GLMN: variants seen among roughly 807,000 people sequenced by gnomAD.
GLMN encodes glomulin, FKBP associated protein.
A neutral mutation model predicts 87.8 loss-of-function variants in GLMN; 75 were observed. The ratio of observed to expected loss-of-function variants is 0.85; its 90% CI spans 0.71 to 1.04. The LOEUF is 1.04. Ranked by LOEUF, GLMN falls within the 50% of genes least tolerant of loss-of-function variation. The pLI is 0.00. For missense variants in GLMN, 588 were observed against 658.8 expected (o/e 0.89, Z 1.18); for synonymous variants, 206 against 221.6 (o/e 0.93, Z 0.63).
At chr1:92,296,963 T>C (rs980694400) in intron 3 of GLMN, among the ~76,000 whole-genome samples, 3 of 152,230 alleles carry the variant, frequency 2.0e-5, no homozygotes, top group Non-Finnish European at 2.9e-5. Flanking sequence ...ACACCATTTT[T>C]GGACTCCCTA....
At chr1:92,366,724 A>C in the GLMN span, among the ~76,000 whole-genome samples, 1 of 152,226 alleles carries the variant, frequency 6.6e-6, no homozygotes, top group South Asian at 2.1e-4. Flanking sequence ...TCTAACATAC[A>C]GATAAAATTC....
intron 16 of GLMN, among the ~76,000 whole-genome samples, chr1:92,260,928 C>T (rs143907866): frequency 6.6e-6 from 1 of 152,274 alleles, no homozygotes; most frequent in African/African-American, 2.4e-5. Context: ...TAAGCAGAGA[C>T]CAATCTGCTG....
intron 8 of GLMN, 125 bp downstream of exon 8, chr1:92,271,324 GATCATTCTTATTAAAA>G: frequency 1.4e-6 from 1 of 708,592 alleles, no homozygotes; most frequent in Non-Finnish European, 2.5e-6. Flanking sequence ...TTATAGCTGG[GATCATTCTTATTAAAA>G]ATAGCCTTTA....
intron 3 of GLMN, among the ~76,000 whole-genome samples, chr1:92,294,521 T>C (rs886816533): frequency 1.3e-5 from 2 of 152,216 alleles, no homozygotes; most frequent in African/African-American, 4.8e-5. Flanking sequence ...TAATATACTG[T>C]AATAAATAGT....
At chr1:92,361,919 C>G in the GLMN span, among the ~76,000 whole-genome samples, 1 of 152,078 alleles carries the variant, frequency 6.6e-6, no homozygotes, top group Non-Finnish European at 1.5e-5. Context: ...AGAGGTGGCA[C>G]TAAGTCTTTT....
At chr1:92,302,590 A>ATAT (rs752272382), upstream of GLMN, among the ~76,000 whole-genome samples, 107 of 74,342 alleles carry the variant, frequency 1.4e-3, 1 homozygote, top group African/African-American at 5.9e-3. Flanking sequence ...TCCGCATTAA[A>ATAT]TTTTTTTTTT....
At chr1:92,305,592 A>T in the GLMN span, among the ~76,000 whole-genome samples, 4 of 151,932 alleles carry the variant, frequency 2.6e-5, no homozygotes. Flanking sequence ...CAAAAAAAAA[A>T]TGAAAAGAGA....
the GLMN span, among the ~76,000 whole-genome samples, chr1:92,366,630 C>T: frequency 6.6e-6 from 1 of 152,102 alleles, no homozygotes; most frequent in Non-Finnish European, 1.5e-5. Context: ...AACAAACAAG[C>T]AAGGCAGAGA....
At chr1:92,308,149 A>C in the GLMN span, among the ~76,000 whole-genome samples, 3 of 152,128 alleles carry the variant, frequency 2.0e-5, no homozygotes, top group Non-Finnish European at 2.9e-5. Flanking sequence ...CAATTCAAAT[A>C]ACATCAATTA....
chr1:92,342,017 T>C, the GLMN span, among the ~76,000 whole-genome samples: 1 of 152,230 alleles, frequency 6.6e-6, no homozygotes, highest in Non-Finnish European at 1.5e-5. Context: ...CCTTTGGCTA[T>C]ATGCTAGATA....
At chr1:92,301,497 T>C, upstream of GLMN, 1 of 1,589,332 alleles carries the variant, frequency 6.3e-7, no homozygotes, top group Non-Finnish European at 8.5e-7. Context: ...TAGAAGCAGC[T>C]GTGAGAAAGA....
chr1:92,297,397 T>C lies in GLMN; in HGVS notation c.165+7A>G. On this transcript the variant is annotated splice_region_variant and intron_variant, in intron 3 of 18. Transcript: ENST00000370360. Reference sequence around the variant, plus strand: ...GACTGAAAAGTAAACACCAAGATTGTACGCACCTTATTCTTTTCATTTTGA... The same window carrying C: ...GACTGAAAAGTAAACACCAAGATTGCACGCACCTTATTCTTTTCATTTTGA... 1.2e-6 allele frequency: 2 copies of C among 1,610,184 alleles called. No individual in the cohort carries two copies. The highest frequency in any genetic ancestry group is 1.7e-6 in the Non-Finnish European group (2 of 1,177,500).
At chr1:92,313,375 T>C in the GLMN span, among the ~76,000 whole-genome samples, 5 of 152,096 alleles carry the variant, frequency 3.3e-5, no homozygotes, top group African/African-American at 7.2e-5. Context: ...ACTAATCTTG[T>C]ACATTTGCAT....
upstream of GLMN, among the ~76,000 whole-genome samples, chr1:92,302,740 T>TAC (rs1282097796): frequency 6.6e-6 from 1 of 151,670 alleles, no homozygotes; most frequent in East Asian, 1.9e-4. Flanking sequence ...TAGCTGGGAC[T>TAC]GGGCGCCCAC....
upstream of GLMN, among the ~76,000 whole-genome samples, chr1:92,301,166 T>C (rs571456821): frequency 6.6e-6 from 1 of 152,246 alleles, no homozygotes; most frequent in African/African-American, 2.4e-5. Context: ...TGAAAAGTAT[T>C]GGATCAAAAG....
chr1:92,271,453 A>C lies in GLMN; in HGVS notation c.923+12T>G. Reference sequence around the variant, plus strand: ...TTTAGAATACATGAATAAACCAAACACTAACTCTTACCTTAAGACCATTGG... The same window carrying C: ...TTTAGAATACATGAATAAACCAAACCCTAACTCTTACCTTAAGACCATTGG... On this transcript the variant is annotated intron_variant, in intron 8 of 18. Transcript: ENST00000370360. 3 of 1,599,636 alleles carry C rather than the reference A, an allele frequency of 1.9e-6. No homozygotes were observed. The highest frequency in any genetic ancestry group is 2.6e-6 in the Non-Finnish European group (3 of 1,167,608).
At chr1:92,283,839 G>C (rs1648391752) in intron 7 of GLMN, among the ~76,000 whole-genome samples, 1 of 152,112 alleles carries the variant, frequency 6.6e-6, no homozygotes, top group African/African-American at 2.4e-5. Flanking sequence ...GACAAACAGA[G>C]AGCCAAATCA....
chr1:92,339,530 C>G, the GLMN span, among the ~76,000 whole-genome samples: 4 of 152,190 alleles, frequency 2.6e-5, no homozygotes, highest in East Asian at 7.7e-4. Context: ...GGTTTTCCTG[C>G]CTGCTCCCTT....
intron 7 of GLMN, among the ~76,000 whole-genome samples, chr1:92,282,686 G>A (rs937050616): frequency 1.3e-5 from 2 of 152,072 alleles, no homozygotes; most frequent in African/African-American, 4.8e-5. Context: ...ATGAATCCAG[G>A]AGCTGCTTTT....
Sources: allele counts gnomAD v4.1 joint callset (sites outside exome capture counted in the v4.1 genomes callset), GRCh38; gene constraint gnomAD v4.1.1; transcripts MANE v1.5; gene names NCBI Gene and HGNC (gene_info 2026-07-23, HGNC 2026-07-21).